Variants in PTPRZ1 observed in about 807,000 individuals in gnomAD.
The protein encoded by PTPRZ1 is protein tyrosine phosphatase receptor type Z1.
Under a neutral mutation model 214.1 loss-of-function variants are expected in PTPRZ1, and 82 were observed. That is an observed-to-expected ratio of 0.38 (90% CI 0.32 to 0.46). The LOEUF is 0.46. Among genes scored for constraint, PTPRZ1 ranks in the 20% least tolerant of loss-of-function variants. The pLI is 1.00. For synonymous variants in PTPRZ1, 945 were observed against 987.9 expected (o/e 0.96, Z 0.81); for missense variants, 2,603 against 2,748.7 (o/e 0.95, Z 1.19).
chr7:121,903,939 G>C (rs1054090729), intron 1 of PTPRZ1, among the ~76,000 whole-genome samples: 2 of 148,112 alleles, frequency 1.4e-5, no homozygotes, highest in Non-Finnish European at 3.0e-5. Context: ...TGAAATGTAT[G>C]CAGGATTCTG....
chr7:121,898,108 A>G lies in PTPRZ1; in HGVS notation c.58+24551A>G, dbSNP rs530948727. 3.3e-5 allele frequency among the ~76,000 whole-genome samples: 5 copies of G among 152,324 alleles called. No individual in the cohort carries two copies. The South Asian group carries it at 1.0e-3, about 32-fold the overall frequency. ...GAAAATGATACCTGATAATGTATAT[A>G]GAGAGCTATCAGTCCTCTCGGTGCA... is the stretch of plus-strand genomic sequence containing the variant. On this transcript the variant is annotated intron_variant, in intron 1 of 29. Transcript: ENST00000393386.
rs768294308 is a variant in PTPRZ1 at position 122,011,754 on chromosome 7, TTA to T, written c.2710_2711del (p.Met904ValfsTer5). 1.2e-6 allele frequency: 2 copies of T among 1,614,134 alleles called. No homozygotes were observed. The highest frequency in any genetic ancestry group is 1.1e-5 in the South Asian group (1 of 91,084). On this transcript the variant is annotated frameshift_variant, in exon 12 of 30. Transcript: ENST00000393386. LOFTEE classifies it high-confidence loss of function. ...GAATCTGGTGTTCTTTATAAAACGC[TTA>T]TGTTTTCTCAAGTTGAACCACCCAG...
At chr7:121,892,273 G>C (rs3801373) in intron 1 of PTPRZ1, among the ~76,000 whole-genome samples, 25,783 of 151,918 alleles carry the variant, frequency 0.17, 2,460 homozygotes, top group East Asian at 0.29. Flanking sequence ...TGGTTACAAC[G>C]TTTTTTCTTA....
At chr7:122,005,702 A>G (rs1798465792) in intron 11 of PTPRZ1, among the ~76,000 whole-genome samples, 2 of 152,014 alleles carry the variant, frequency 1.3e-5, no homozygotes, top group Admixed American at 1.3e-4. Context: ...TCAAAAAAGA[A>G]ATTATATTTG....
At chr7:122,038,509 CTT>C (rs140553499) in intron 18 of PTPRZ1, among the ~76,000 whole-genome samples, 40,602 of 106,382 alleles carry the variant, frequency 0.38, 6,830 homozygotes, top group South Asian at 0.48. Context: ...GAGAGCTATT[CTT>C]TTTTTTTTTT....
intron 2 of PTPRZ1, among the ~76,000 whole-genome samples, chr7:121,955,660 A>C (rs1796684091): frequency 1.3e-5 from 2 of 152,228 alleles, no homozygotes; most frequent in African/African-American, 4.8e-5. Context: ...CATTGCCTTC[A>C]GTCTGAATCT....
chr7:121,934,261 C>A (rs538815907), intron 2 of PTPRZ1, among the ~76,000 whole-genome samples: 1 of 152,152 alleles, frequency 6.6e-6, no homozygotes, highest in Admixed American at 6.5e-5. Context: ...AGAACCGTAG[C>A]TTCGTGTAGT....
At chr7:122,046,801 G>T (rs150950889) in intron 23 of PTPRZ1, among the ~76,000 whole-genome samples, 1 of 152,248 alleles carries the variant, frequency 6.6e-6, no homozygotes, top group East Asian at 1.9e-4. Flanking sequence ...TTGGCAGTTG[G>T]ATACTGGTTC....
intron 1 of PTPRZ1, among the ~76,000 whole-genome samples, chr7:121,909,409 G>C (rs989397763): frequency 1.3e-5 from 2 of 152,092 alleles, no homozygotes; most frequent in Non-Finnish European, 2.9e-5. Flanking sequence ...GAGGATTTCG[G>C]GGAGGAAAGT....
At chr7:122,003,820 G>C (rs1798396120) in intron 10 of PTPRZ1, among the ~76,000 whole-genome samples, 1 of 152,166 alleles carries the variant, frequency 6.6e-6, no homozygotes, top group East Asian at 1.9e-4. Flanking sequence ...TTCCTTCTTA[G>C]GAGAGAAAGA....
intron 2 of PTPRZ1, among the ~76,000 whole-genome samples, chr7:121,938,240 T>C (rs1274665997): frequency 6.6e-6 from 1 of 152,082 alleles, no homozygotes; most frequent in Non-Finnish European, 1.5e-5. Flanking sequence ...GTAATACACA[T>C]CATAGGCAAT....
At chr7:121,935,471 C>T (rs900938991) in intron 2 of PTPRZ1, among the ~76,000 whole-genome samples, 1 of 151,938 alleles carries the variant, frequency 6.6e-6, no homozygotes, top group Non-Finnish European at 1.5e-5. Context: ...TGCTGGGCCT[C>T]CTTTACTTCA....
intron 6 of PTPRZ1, 59 bp from the exon 7 acceptor site, chr7:121,983,606 T>C (rs938528760): frequency 1.2e-5 from 17 of 1,468,070 alleles, no homozygotes; most frequent in Non-Finnish European, 1.6e-5. Flanking sequence ...CATAGAAGTT[T>C]TGAACAGCTA....
At chr7:122,030,467 A>T (rs1265918748) in intron 14 of PTPRZ1, among the ~76,000 whole-genome samples, 1 of 151,988 alleles carries the variant, frequency 6.6e-6, no homozygotes, top group Non-Finnish European at 1.5e-5. Flanking sequence ...AAAAGCTTCT[A>T]AGCAAGATCC....
intron 13 of PTPRZ1, among the ~76,000 whole-genome samples, chr7:122,021,145 T>C (rs900000327): frequency 1.5e-5 from 2 of 134,442 alleles, no homozygotes; most frequent in African/African-American, 3.3e-5. Context: ...TCAGATGGTT[T>C]ATAATTATAA....
chr7:121,957,304 C>A (rs537408450), intron 2 of PTPRZ1, among the ~76,000 whole-genome samples: 11 of 152,146 alleles, frequency 7.2e-5, no homozygotes, highest in Admixed American at 5.9e-4. Flanking sequence ...TCCCCTTCAG[C>A]CTTTCTCTTG....
At chr7:121,944,818 T>G (rs1047874871) in intron 2 of PTPRZ1, among the ~76,000 whole-genome samples, 1 of 152,100 alleles carries the variant, frequency 6.6e-6, no homozygotes, top group Non-Finnish European at 1.5e-5. Flanking sequence ...AATTTTTATA[T>G]TTTTAGTAGA....
Position 121,983,774 on chromosome 7 carries a change from A to C in PTPRZ1, c.729A>C (p.Thr243=). ...GSLTSPPCTD[T]VDWIVFKDTV... is the part of the protein sequence containing the mutation. ...TGACATCTCCTCCCTGCACAGACAC[A>C]GTTGACTGGATTGTTTTTAAAGATA... The change falls in exon 7 of 30, where the codon ACA becomes ACC. Residue 243 remains threonine, a synonymous_variant. Transcript: ENST00000393386. 6.2e-7 allele frequency: 1 copy of C among 1,613,592 alleles called. No individual in the cohort carries two copies. The highest frequency in any genetic ancestry group is 1.1e-5 in the South Asian group (1 of 91,054).
At chr7:122,032,317 A>G (rs926246333) in intron 15 of PTPRZ1, among the ~76,000 whole-genome samples, 47 of 152,228 alleles carry the variant, frequency 3.1e-4, no homozygotes, top group African/African-American at 1.1e-3. Flanking sequence ...ATTACTTGTT[A>G]TTATTTCTAT....
Sources: allele counts gnomAD v4.1 joint callset (sites outside exome capture counted in the v4.1 genomes callset), GRCh38; gene constraint gnomAD v4.1.1; transcripts MANE v1.5; gene names NCBI Gene and HGNC (gene_info 2026-07-23, HGNC 2026-07-21).